CDH23: variants seen among roughly 807,000 people sequenced by gnomAD.
CDH23 encodes the protein cadherin-23.
A neutral mutation model predicts 317.1 loss-of-function variants in CDH23; 189 were observed. That is an observed-to-expected ratio of 0.60 (90% CI 0.53 to 0.67). CDH23 has a LOEUF of 0.67. Among genes scored for constraint, CDH23 ranks in the 30% least tolerant of loss-of-function variants. CDH23 has a pLI of 0.00. For missense variants in CDH23, 4,401 were observed against 4,592.4 expected (o/e 0.96, Z 1.20); for synonymous variants, 1,839 against 1,876.8 (o/e 0.98, Z 0.52).
At chr10:71,730,857 A>C (rs1839353017) in intron 31 of CDH23, among the ~76,000 whole-genome samples, 1 of 152,230 alleles carries the variant, frequency 6.6e-6, no homozygotes, top group African/African-American at 2.4e-5. Context: ...TGAGAAGTCC[A>C]GCTCCGTCAT....
intron 9 of CDH23, among the ~76,000 whole-genome samples, chr10:71,608,631 G>A (rs1054842502): frequency 3.9e-5 from 6 of 152,192 alleles, no homozygotes; most frequent in Admixed American, 2.6e-4. Context: ...CTGTTCTGGG[G>A]ACTGCCAGAG....
chr10:71,762,113 C>A, intron 38 of CDH23: 1 of 1,418,062 alleles, frequency 7.1e-7, no homozygotes, highest in South Asian at 1.4e-5. Flanking sequence ...TTAGCCTCTG[C>A]TACTTCCCAG....
At chr10:71,770,877 GGCATT>G (rs1840669232) in intron 38 of CDH23, among the ~76,000 whole-genome samples, 1 of 152,156 alleles carries the variant, frequency 6.6e-6, no homozygotes, top group Admixed American at 6.5e-5. Context: ...GGGTGTCCCT[GGCATT>G]GGGTAGATGA....
intron 11 of CDH23, among the ~76,000 whole-genome samples, chr10:71,642,391 CTCTTTTTT>C (rs1862593214): frequency 8.8e-6 from 1 of 113,492 alleles, no homozygotes; most frequent in African/African-American, 3.0e-5. Context: ...CTGGCCCGGC[CTCTTTTTT>C]TTTTTTTTTT....
At chr10:71,639,798 G>A (rs927057711) in intron 11 of CDH23, among the ~76,000 whole-genome samples, 5 of 152,124 alleles carry the variant, frequency 3.3e-5, no homozygotes, top group Non-Finnish European at 5.9e-5. Context: ...ACAGGACTGC[G>A]ATCAGTAGGG....
intron 38 of CDH23, among the ~76,000 whole-genome samples, chr10:71,754,836 C>T (rs139788777): frequency 6.6e-6 from 1 of 152,294 alleles, no homozygotes; most frequent in African/African-American, 2.4e-5. Context: ...CCTAGCTCTG[C>T]CACTTACTAA....
Position 71,793,514 on chromosome 10 carries a change from A to T in CDH23, c.6586A>T (p.Ile2196Phe), listed in dbSNP as rs2132954426. 6.2e-7 allele frequency: 1 copy of T among 1,613,940 alleles called. No individual in the cohort carries two copies. Among genetic ancestry groups the T allele is most frequent in the Non-Finnish European group, 8.5e-7 (1 of 1,179,882 alleles). The part of the protein sequence containing the change: ...SAEPGTVIAN[I>F]TAIDHDLNPK... The stretch of plus-strand genomic sequence containing the variant: ...TGAGCCAGGCACTGTCATTGCCAAT[A>T]TCACGGCCATTGACCACGACCTCAA... Residue 2196 changes from isoleucine to phenylalanine, a missense_variant, in exon 48 of 70, where the codon ATC becomes TTC. Transcript: ENST00000224721.
intron 6 of CDH23, among the ~76,000 whole-genome samples, chr10:71,525,198 T>C (rs557132852): frequency 4.6e-5 from 7 of 152,338 alleles, no homozygotes; most frequent in Non-Finnish European, 1.0e-4. Flanking sequence ...TGAGCCACTG[T>C]GCCCGGCCGA....
intron 6 of CDH23, among the ~76,000 whole-genome samples, chr10:71,526,439 C>T (rs372131822): frequency 2.0e-5 from 3 of 152,138 alleles, no homozygotes; most frequent in Non-Finnish European, 4.4e-5. Flanking sequence ...CTGAGGTGGG[C>T]GGAGGCCCCA....
At chr10:71,548,574 C>A (rs1215495745) in intron 6 of CDH23, among the ~76,000 whole-genome samples, 2 of 152,200 alleles carry the variant, frequency 1.3e-5, no homozygotes, top group African/African-American at 2.4e-5. Context: ...TGTGCATGTG[C>A]AGCCTCCCTG....
chr10:71,628,551 T>C (rs1236213300), intron 11 of CDH23, among the ~76,000 whole-genome samples: 1 of 152,076 alleles, frequency 6.6e-6, no homozygotes. Context: ...CATGCTGGAG[T>C]GCAGTGGCGC....
At chr10:71,752,929 T>C in intron 38 of CDH23, 1 of 1,603,906 alleles carries the variant, frequency 6.2e-7, no homozygotes, top group Non-Finnish European at 8.5e-7. Flanking sequence ...TCTTCCTGGA[T>C]AGCCGGCCCA....
chr10:71,534,353 G>C (rs1239094679), intron 6 of CDH23, among the ~76,000 whole-genome samples: 1 of 152,172 alleles, frequency 6.6e-6, no homozygotes, highest in Non-Finnish European at 1.5e-5. Context: ...ATGTCTGGGG[G>C]TCTTGGCTGC....
At chr10:71,813,196 G>A (rs543328743) in intron 68 of CDH23, 48 bp from the exon 69 acceptor site, 3 of 1,508,270 alleles carry the variant, frequency 2.0e-6, no homozygotes, top group East Asian at 2.5e-5. Context: ...GAGGGGCGGG[G>A]CAGGCAGGGG....
At chr10:71,639,539 G>T (rs1301628732) in intron 11 of CDH23, among the ~76,000 whole-genome samples, 27 of 152,214 alleles carry the variant, frequency 1.8e-4, no homozygotes, top group African/African-American at 2.4e-5. Flanking sequence ...TAGTGGGAAG[G>T]CCAGGAGAGC....
chr10:71,603,040 C>T (rs1860320453), intron 9 of CDH23, among the ~76,000 whole-genome samples: 1 of 152,182 alleles, frequency 6.6e-6, no homozygotes, highest in Admixed American at 6.5e-5. Flanking sequence ...ATGACCCACC[C>T]CATACCTGGT....
chr10:71,797,113 T>C lies in CDH23; in HGVS notation c.6722T>C (p.Met2241Thr), dbSNP rs749254044. ...CTGGTCTGGTCCACAGGATCTGTAATGGTGAAGTCCCCCATGAATCGGGAG... is the reference window on the plus strand; with the variant it reads ...CTGGTCTGGTCCACAGGATCTGTAACGGTGAAGTCCCCCATGAATCGGGAG... Reference protein sequence around the residue: ...FAVNINTGSVMVKSPMNRELV... With the variant: ...FAVNINTGSVTVKSPMNRELV... The change falls in exon 49 of 70, where the codon ATG (methionine) becomes ACG (threonine). Residue 2241 changes from methionine to threonine, a missense_variant. Coordinates refer to ENST00000224721, the MANE Select transcript of CDH23 (RefSeq NM_022124.6). 1 of 1,611,454 alleles carries C rather than the reference T, an allele frequency of 6.2e-7. No homozygotes were observed. The highest frequency in any genetic ancestry group is 1.1e-5 in the South Asian group (1 of 90,756).
intron 49 of CDH23, 111 bp from the exon 50 acceptor site, chr10:71,798,243 G>A (rs1353859506): frequency 4.0e-6 from 3 of 757,552 alleles, no homozygotes; most frequent in African/African-American, 1.7e-5. Context: ...GCAGCCTCTG[G>A]GGGGCTGTGG....
chr10:71,724,800 T>A (rs1213891683), intron 29 of CDH23, among the ~76,000 whole-genome samples: 1 of 152,172 alleles, frequency 6.6e-6, no homozygotes, highest in African/African-American at 2.4e-5. Context: ...AATGTGCTGA[T>A]CCTCCCACTT....
Sources: gnomAD v4.1 joint callset for allele counts (sites outside exome capture counted in the v4.1 genomes callset) on GRCh38, gnomAD v4.1.1 for gene constraint, MANE v1.5 for transcripts, NCBI Gene and HGNC (gene_info 2026-07-23, HGNC 2026-07-21) for gene names.